RAD9A: variants seen among roughly 807,000 people sequenced by gnomAD.
RAD9A encodes cell cycle checkpoint control protein RAD9A.
In RAD9A, 25 loss-of-function variants were observed where a neutral mutation model predicts 41.2. The ratio of observed to expected loss-of-function variants is 0.61; its 90% CI spans 0.44 to 0.85. The LOEUF is 0.85. RAD9A is among the 40% of genes least tolerant of loss of function. The pLI is 0.00. For missense variants in RAD9A, 514 were observed against 518.3 expected, an observed-to-expected ratio of 0.99 and a Z score of 0.08; for synonymous variants, 252 against 210.6, an observed-to-expected ratio of 1.20 and a Z score of -1.70.
At chr11:67,393,898 TC>T in intron 5 of RAD9A, 108 bp downstream of exon 5, 1 of 945,664 alleles carries the variant, frequency 1.1e-6, no homozygotes, top group Non-Finnish European at 1.5e-6. Flanking sequence ...CTACAGAGTT[TC>T]TGTGAACCTC....
At chr11:67,392,632 C>G (rs774603194) in intron 2 of RAD9A, 22 bp from the exon 3 acceptor site, 9 of 1,612,734 alleles carry the variant, frequency 5.6e-6, no homozygotes, top group Non-Finnish European at 7.6e-6. Context: ...CCACGTCCCT[C>G]TCCCTGCTCT....
At position 67,393,799 on chromosome 11, in the gene RAD9A, A is replaced by C; in HGVS notation, c.449+9A>C. On this transcript the variant is annotated intron_variant, in intron 5 of 10. Coordinates refer to ENST00000307980, the MANE Select transcript of RAD9A (RefSeq NM_004584.3). ...CTCCGCGCCCCAGCACGGTGAGCACACCCCTGCCCTCAGCTCAGCCCCGGG... is the reference window on the plus strand; with the variant it reads ...CTCCGCGCCCCAGCACGGTGAGCACCCCCCTGCCCTCAGCTCAGCCCCGGG... 6.3e-7 allele frequency: 1 copy of C among 1,586,534 alleles called. No individual in the cohort carries two copies.
chr11:67,398,171 G>A lies in RAD9A; in HGVS notation c.*612G>A, dbSNP rs1292443772. 6 of 290,518 alleles carry A rather than the reference G, an allele frequency of 2.1e-5. No homozygotes were observed. The highest frequency in any genetic ancestry group is 1.3e-4 in the South Asian group (3 of 23,636). 18.0% of individuals were successfully genotyped at this position (290,518 alleles called of 1,614,324 possible). A position where few individuals can be genotyped will look rare whatever the true frequency, so the allele number is the denominator to read the frequency against. ...CCAGGCAGTGTCTTAGATGTGAGAC[G>A]GAGGCCATGGCGAGAATCCAGCTTT... On this transcript the variant is annotated 3_prime_UTR_variant, in exon 11 of 11. Transcript: ENST00000307980.
chr11:67,392,783 G>T lies in RAD9A; in HGVS notation c.234+1G>T. 1 of 1,613,912 alleles carries T rather than the reference G, an allele frequency of 6.2e-7. No individual in the cohort carries two copies. The highest frequency in any genetic ancestry group is 8.5e-7 in the Non-Finnish European group (1 of 1,179,900). On this transcript the variant is annotated splice_donor_variant, in intron 3 of 10. Transcript: ENST00000307980. LOFTEE classifies it high-confidence loss of function. ...GCTGCGCTGTAAGATCCTGATGAAG[G>T]TGAGGCCCTTCCCTCAGCAGTGGCA...
chr11:67,393,856 G>A lies in RAD9A; in HGVS notation c.449+66G>A, dbSNP rs2134946760. On this transcript the variant is annotated intron_variant, in intron 5 of 10. Coordinates refer to ENST00000307980, the MANE Select transcript of RAD9A (RefSeq NM_004584.3). ...TCTTCCTTCTTTGGGGCCCCAAGGG[G>A]TTGATTTTAGAAGGTACCTCTTTCA... The A allele has an allele frequency of 9.2e-6, 12 of 1,299,048 alleles. No homozygotes were observed. The South Asian group carries it at 1.6e-4, about 17-fold the overall frequency. 80.5% of individuals were successfully genotyped at this position (1,299,048 alleles called of 1,614,324 possible). A position where few individuals can be genotyped will look rare whatever the true frequency, so the allele number is the denominator to read the frequency against.
At chr11:67,394,204 A>G (rs1297368120) in intron 5 of RAD9A, among the ~76,000 whole-genome samples, 1 of 152,222 alleles carries the variant, frequency 6.6e-6, no homozygotes, top group East Asian at 1.9e-4. Context: ...CGGCCTGGGC[A>G]TCCTTCCAGA....
intron 3 of RAD9A, 29 bp downstream of exon 3, chr11:67,392,811 A>G (rs761645415): frequency 2.5e-6 from 4 of 1,610,976 alleles, no homozygotes; most frequent in Admixed American, 1.7e-5. Flanking sequence ...CAGTGGCACT[A>G]CTCCACCCCA....
chr11:67,392,827 C>T (rs1352787461), intron 3 of RAD9A, 45 bp downstream of exon 3: 6 of 1,603,966 alleles, frequency 3.7e-6, no homozygotes, highest in Admixed American at 1.7e-5. Flanking sequence ...CCCCAGGAAT[C>T]TCCACCAGCT....
chr11:67,397,082 G>T, intron 9 of RAD9A, 97 bp from the exon 10 acceptor site: 1 of 831,512 alleles, frequency 1.2e-6, no homozygotes, highest in Non-Finnish European at 2.0e-6. Flanking sequence ...GAGATCTCCA[G>T]TGGTCGGGGG....
chr11:67,392,259 T>TGGGGGGGTGGGGGGGGGGGGGGGGGG, intron 2 of RAD9A, 28 bp downstream of exon 2: 3 of 484,292 alleles, frequency 6.2e-6, no homozygotes, highest in South Asian at 1.6e-5. Context: ...GGGGGGCGGG[T>TGGGGGGGTGGGGGGGGGGGGGGGGGG]GGGACTCCAG....
chr11:67,392,822 G>A (rs771284547), intron 3 of RAD9A, 40 bp downstream of exon 3: 2 of 1,607,524 alleles, frequency 1.2e-6, no homozygotes, highest in Non-Finnish European at 1.7e-6. Flanking sequence ...CTCCACCCCA[G>A]GAATCTCCAC....
In RAD9A at chr11:67,397,249, G is replaced by A. The variant is rs200889885; in HGVS notation, c.943G>A (p.Gly315Ser). The change falls in exon 10 of 11, where the codon GGC becomes AGC. Residue 315 changes from glycine to serine, a missense_variant. Transcript: ENST00000307980. ...SYMIAMETTI[G>S]NEGSRVLPSI... ...CATGATCGCCATGGAAACCACTATA[G>A]GCAATGAGGGCTCGCGGGTGCTGCC... 811 of 1,613,332 alleles carry A rather than the reference G, an allele frequency of 5.0e-4. 7 individuals carry two copies. The Middle Eastern group carries it at 7.9e-3, about 16-fold the overall frequency.
rs1341932239 is a variant in RAD9A at position 67,397,387 on chromosome 11, G to T, written c.1080+1G>T. On this transcript the variant is annotated splice_donor_variant, in intron 10 of 10. Coordinates refer to ENST00000307980, the MANE Select transcript of RAD9A (RefSeq NM_004584.3). LOFTEE classifies it high-confidence loss of function. ...GCCTGGGACTCCCCCACCCAAGAAG[G>T]TAGGGACTGGAGGTGGAGGCAGGGG... is the stretch of plus-strand genomic sequence containing the variant. 6.3e-7 allele frequency: 1 copy of T among 1,597,822 alleles called. No homozygotes were observed. The highest frequency in any genetic ancestry group is 1.3e-5 in the African/African-American group (1 of 74,392).
In RAD9A at chr11:67,393,602, G is replaced by C; in HGVS notation, c.341G>C (p.Cys114Ser). 1.2e-6 allele frequency: 2 copies of C among 1,614,190 alleles called. No individual in the cohort carries two copies. The highest frequency in any genetic ancestry group is 1.7e-6 in the Non-Finnish European group (2 of 1,180,008). Residue 114 changes from cysteine (C) to serine (S), a missense_variant, in exon 4 of 11, where the codon TGC becomes TCC. Around this residue, in one of 3 missense-constraint regions of RAD9A, gnomAD observed 268 missense variants for 279.3 expected, o/e 0.96. Transcript: ENST00000307980. ...AGCCGCCTGGTGGTCCAGCTGCATT[G>C]CAAGTTCGGTGAGTGGGCAGCCGGC... ...RSSRLVVQLH[C>S]KFGVRKTHNL...
intron 5 of RAD9A, 99 bp downstream of exon 5, chr11:67,393,889 T>C: frequency 2.0e-6 from 2 of 1,014,364 alleles, no homozygotes; most frequent in Non-Finnish European, 2.8e-6. Flanking sequence ...TCATTTTCCC[T>C]ACAGAGTTTC....
intron 5 of RAD9A, among the ~76,000 whole-genome samples, chr11:67,394,421 A>T (rs1220634948): frequency 6.6e-6 from 1 of 152,194 alleles, no homozygotes; most frequent in Non-Finnish European, 1.5e-5. Flanking sequence ...CAGCTCAGAG[A>T]GGAGTGGGCT....
At chr11:67,392,617 C>G (rs1284552878) in intron 2 of RAD9A, 37 bp from the exon 3 acceptor site, 1 of 1,611,390 alleles carries the variant, frequency 6.2e-7, no homozygotes, top group South Asian at 1.1e-5. Flanking sequence ...GTGGCTGCCC[C>G]CTGACCACGT....
intron 2 of RAD9A, 84 bp downstream of exon 2, chr11:67,392,315 G>A: frequency 8.2e-7 from 1 of 1,212,726 alleles, no homozygotes; most frequent in Middle Eastern, 2.6e-4. Context: ...CACTAGGCGG[G>A]ATGACCGCTG....
Position 67,397,804 on chromosome 11 carries a change from T to A in RAD9A, c.*245T>A. The A allele has an allele frequency of 1.9e-6, 1 of 523,492 alleles. No homozygotes were observed. The allele number at this position is 523,492 out of a possible 1,614,324, so 32.4% of individuals were successfully genotyped here. A position where few individuals can be genotyped will look rare whatever the true frequency, so the allele number is the denominator to read the frequency against. The stretch of plus-strand genomic sequence containing the variant: ...CTTTCCAGACTTGGCCCTGAACTAC[T>A]GACGTTCCTACCTCTTATTTCTCAT... On this transcript the variant is annotated 3_prime_UTR_variant, in exon 11 of 11. Transcript: ENST00000307980.
Sources: allele counts gnomAD v4.1 joint callset (sites outside exome capture counted in the v4.1 genomes callset), GRCh38; gene constraint gnomAD v4.1.1; regional missense constraint gnomAD v4.1.1; transcripts MANE v1.5; gene names NCBI Gene and HGNC (gene_info 2026-07-23, HGNC 2026-07-21).